The following SEMA3E variants were observed in gnomAD, a reference collection of about 807,000 sequenced individuals.
The protein encoded by SEMA3E is semaphorin-3E.
A neutral mutation model predicts 93.6 loss-of-function variants in SEMA3E; 49 were observed. The observed-to-expected ratio is 0.52, with a 90% CI of 0.42 to 0.66. The LOEUF (loss-of-function observed/expected upper bound fraction) is 0.66, where lower values mean the gene tolerates loss of function less well. SEMA3E is among the 30% of genes least tolerant of loss of function. The pLI is 0.00. For synonymous variants in SEMA3E, 363 were observed against 330.7 expected (o/e 1.10, Z -1.06); for missense variants, 906 against 964.8 (o/e 0.94, Z 0.81).
chr7:83,469,782 A>ATTAT (rs1248945862), intron 2 of SEMA3E, among the ~76,000 whole-genome samples: 7 of 151,920 alleles, frequency 4.6e-5, no homozygotes, highest in Non-Finnish European at 8.8e-5. Flanking sequence ...TGTCTCTTTG[A>ATTAT]TTATTTATTT....
At chr7:83,504,951 T>G (rs543903321) in intron 1 of SEMA3E, among the ~76,000 whole-genome samples, 1 of 152,300 alleles carries the variant, frequency 6.6e-6, no homozygotes, top group South Asian at 2.1e-4. Flanking sequence ...AAAAACTTCC[T>G]ATTGTCACTT....
chr7:83,582,260 TAAA>T (rs1792531807), intron 1 of SEMA3E, among the ~76,000 whole-genome samples: 1 of 150,638 alleles, frequency 6.6e-6, no homozygotes. Flanking sequence ...ATATAAATAA[TAAA>T]CTAATAAAAG....
At chr7:83,578,778 T>C (rs1792459768) in intron 1 of SEMA3E, among the ~76,000 whole-genome samples, 1 of 151,982 alleles carries the variant, frequency 6.6e-6, no homozygotes, top group African/African-American at 2.4e-5. Context: ...AACCAAGAAA[T>C]CAAGGACTTA....
At chr7:83,528,602 A>G (rs572108761) in intron 1 of SEMA3E, among the ~76,000 whole-genome samples, 2 of 152,122 alleles carry the variant, frequency 1.3e-5, no homozygotes, top group Non-Finnish European at 2.9e-5. Context: ...CAGGCAAGAA[A>G]AGACTGGAAA....
chr7:83,612,973 T>G (rs940975571), intron 1 of SEMA3E, among the ~76,000 whole-genome samples: 2 of 152,130 alleles, frequency 1.3e-5, no homozygotes, highest in African/African-American at 4.8e-5. Flanking sequence ...GAATTTGAAT[T>G]CAGTTTTGTC....
intron 1 of SEMA3E, among the ~76,000 whole-genome samples, chr7:83,519,648 G>C (rs1791004803): frequency 6.6e-6 from 1 of 152,168 alleles, no homozygotes; most frequent in Non-Finnish European, 1.5e-5. Flanking sequence ...GCTCCGGGAT[G>C]TATCTCCTAT....
intron 1 of SEMA3E, among the ~76,000 whole-genome samples, chr7:83,528,930 C>T (rs1477627924): frequency 6.6e-6 from 1 of 151,906 alleles, no homozygotes; most frequent in Non-Finnish European, 1.5e-5. Context: ...AAAATATGCT[C>T]AAGTGGAGAG....
At chr7:83,522,524 C>G (rs1294622561) in intron 1 of SEMA3E, among the ~76,000 whole-genome samples, 5 of 152,032 alleles carry the variant, frequency 3.3e-5, no homozygotes, top group Non-Finnish European at 7.4e-5. Flanking sequence ...CCTGAGATTG[C>G]ATCCTTATTT....
intron 1 of SEMA3E, among the ~76,000 whole-genome samples, chr7:83,491,643 G>A (rs1278836614): frequency 6.6e-6 from 1 of 151,980 alleles, no homozygotes; most frequent in Non-Finnish European, 1.5e-5. Flanking sequence ...TAACACATAA[G>A]AGGTTTGCCA....
At chr7:83,629,788 G>C (rs1480164614) in intron 1 of SEMA3E, among the ~76,000 whole-genome samples, 1 of 152,114 alleles carries the variant, frequency 6.6e-6, no homozygotes, top group Non-Finnish European at 1.5e-5. Context: ...TCCTTTCCAG[G>C]GGAGCGAACG....
At chr7:83,446,427 C>T (rs1031834418) in intron 4 of SEMA3E, among the ~76,000 whole-genome samples, 1 of 152,160 alleles carries the variant, frequency 6.6e-6, no homozygotes, top group Admixed American at 6.5e-5. Flanking sequence ...TACACAGATA[C>T]ACAAAGAACC....
chr7:83,433,873 C>A (rs1444977525), intron 4 of SEMA3E, among the ~76,000 whole-genome samples: 1 of 151,944 alleles, frequency 6.6e-6, no homozygotes, highest in South Asian at 2.1e-4. Flanking sequence ...CAGTTAAACA[C>A]CTTTCACTGA....
In SEMA3E at chr7:83,367,395, ATTAG is replaced by A. The variant is rs1035019701; in HGVS notation, c.*187_*190del. ...ATTAAGCAATGCATTTATTTAAAAA[ATTAG>A]TTAATTTTATGTAAAGTTTATCCAG... On this transcript the variant is annotated 3_prime_UTR_variant, in exon 17 of 17. Transcript: ENST00000643230. The A allele has an allele frequency of 8.7e-5, 53 of 605,866 alleles. No individual in the cohort carries two copies. Among genetic ancestry groups the A allele is most frequent in the African/African-American group, 5.9e-4 (32 of 53,974 alleles). 37.5% of individuals were successfully genotyped at this position (605,866 alleles called of 1,614,324 possible).
intron 1 of SEMA3E, among the ~76,000 whole-genome samples, chr7:83,624,653 A>G (rs978453748): frequency 3.3e-5 from 5 of 151,822 alleles, no homozygotes; most frequent in Non-Finnish European, 7.4e-5. Flanking sequence ...GTTTGCAAAA[A>G]TTTTCTCCCA....
chr7:83,589,219 C>T (rs183796019), intron 1 of SEMA3E, among the ~76,000 whole-genome samples: 5 of 152,280 alleles, frequency 3.3e-5, no homozygotes, highest in Non-Finnish European at 7.4e-5. Flanking sequence ...TCCTGCTACT[C>T]TCAACACTTT....
chr7:83,506,560 G>GT (rs1790710023), intron 1 of SEMA3E, among the ~76,000 whole-genome samples: 1 of 151,754 alleles, frequency 6.6e-6, no homozygotes, highest in African/African-American at 2.4e-5. Context: ...GCACAGCATG[G>GT]TTAAAAAAAC....
intron 1 of SEMA3E, among the ~76,000 whole-genome samples, chr7:83,624,773 G>T (rs1330685226): frequency 6.6e-6 from 1 of 152,088 alleles, no homozygotes; most frequent in African/African-American, 2.4e-5. Context: ...CATTGCTTTT[G>T]GTGATTTAGT....
chr7:83,492,336 T>G (rs1254368832), intron 1 of SEMA3E, among the ~76,000 whole-genome samples: 1 of 151,974 alleles, frequency 6.6e-6, no homozygotes, highest in African/African-American at 2.4e-5. Flanking sequence ...TGCTACCCAG[T>G]GAGGTGATTA....
chr7:83,553,731 TTTATA>T (rs1791825585), intron 1 of SEMA3E, among the ~76,000 whole-genome samples: 1 of 152,184 alleles, frequency 6.6e-6, no homozygotes, highest in South Asian at 2.1e-4. Context: ...AGATTTTCTT[TTTATA>T]TTTTTGTAAG....
Sources: allele counts gnomAD v4.1 joint callset (sites outside exome capture counted in the v4.1 genomes callset), GRCh38; gene constraint gnomAD v4.1.1; transcripts MANE v1.5; gene names NCBI Gene and HGNC (gene_info 2026-07-23, HGNC 2026-07-21).